Variants in WDR48 observed in about 807,000 individuals in gnomAD.
WDR48 encodes WD repeat-containing protein 48.
Under a neutral mutation model 94.0 loss-of-function variants are expected in WDR48, and 22 were observed. That is an observed-to-expected ratio of 0.23 (90% CI 0.17 to 0.33). WDR48 has a LOEUF of 0.33. Ranked by LOEUF, WDR48 falls within the 10% of genes least tolerant of loss-of-function variation. The pLI, the probability that WDR48 is intolerant of heterozygous loss-of-function variation, is 1.00. For missense variants in WDR48, 541 were observed against 813.8 expected (o/e 0.66, Z 4.08); for synonymous variants, 278 against 280.5 (o/e 0.99, Z 0.09).
chr3:39,083,397 G>A (rs1056712176), intron 11 of WDR48, among the ~76,000 whole-genome samples: 2 of 152,204 alleles, frequency 1.3e-5, no homozygotes, highest in African/African-American at 2.4e-5. Context: ...GAAGAAGCCA[G>A]TAGAGACATT....
At chr3:39,061,623 G>A (rs1262324634) in intron 1 of WDR48, among the ~76,000 whole-genome samples, 3 of 152,168 alleles carry the variant, frequency 2.0e-5, no homozygotes, top group Non-Finnish European at 2.9e-5. Context: ...TCAGTAATGG[G>A]ATGGCCGGGT....
At position 39,069,679 on chromosome 3, in the gene WDR48, C is replaced by G. The variant is rs1443675625; in HGVS notation, c.607C>G (p.Leu203Val). 8.7e-6 allele frequency: 14 copies of G among 1,613,530 alleles called. No individual in the cohort carries two copies. The highest frequency in any genetic ancestry group is 1.2e-5 in the Non-Finnish European group (14 of 1,179,728). The change falls in exon 7 of 19, where the codon CTA (leucine) becomes GTA (valine). Residue 203 changes from leucine (L) to valine (V), a missense_variant. Leu to Val is a conservative substitution (Grantham distance 32). Around this residue, in one of 5 missense-constraint regions of WDR48, gnomAD observed 104 missense variants for 189.7 expected, o/e 0.55. Transcript: ENST00000302313. ...ATGGGATCCAAGAACATGTGCAAAA[C>G]TAATGAAGCTTAAAGGGCACACGGA... Reference protein sequence around the residue: ...RVWDPRTCAKLMKLKGHTDNV... With the variant: ...RVWDPRTCAKVMKLKGHTDNV...
chr3:39,092,770 C>T (rs2035147494), intron 17 of WDR48, among the ~76,000 whole-genome samples: 1 of 151,938 alleles, frequency 6.6e-6, no homozygotes, highest in South Asian at 2.1e-4. Flanking sequence ...TAGAAAGAAG[C>T]TAGTGAGCCC....
At chr3:39,092,384 A>T (rs1021900413) in intron 17 of WDR48, among the ~76,000 whole-genome samples, 4 of 152,226 alleles carry the variant, frequency 2.6e-5, no homozygotes, top group Non-Finnish European at 5.9e-5. Flanking sequence ...GAACTTCAAA[A>T]GATAGATATT....
chr3:39,070,600 A>G (rs1210217886), intron 7 of WDR48, among the ~76,000 whole-genome samples: 1 of 152,190 alleles, frequency 6.6e-6, no homozygotes, highest in Non-Finnish European at 1.5e-5. Flanking sequence ...AGGTTTGGAA[A>G]CTAGTCTAAG....
rs559831281 is a variant in WDR48 at position 39,074,869 on chromosome 3, G to A, written c.816G>A (p.Arg272=). The A allele has an allele frequency of 6.8e-6, 11 of 1,614,182 alleles. No individual in the cohort carries two copies. The South Asian group carries it at 1.1e-4, about 16-fold the overall frequency. Residue 272 remains arginine, a synonymous_variant, in exon 8 of 19, where the codon AGG becomes AGA. Coordinates refer to ENST00000302313, the MANE Select transcript of WDR48 (RefSeq NM_020839.4). ...DAFTHVYSGG[R]DRKIYCTDLR... ...TCACACATGTGTATTCTGGTGGAAGGGACAGGAAGATTTATTGTACAGACC... is the reference window on the plus strand; with the variant it reads ...TCACACATGTGTATTCTGGTGGAAGAGACAGGAAGATTTATTGTACAGACC...
chr3:39,083,747 A>G (rs1034769717), intron 11 of WDR48, among the ~76,000 whole-genome samples: 3 of 152,196 alleles, frequency 2.0e-5, no homozygotes, highest in Admixed American at 2.0e-4. Context: ...TAAATGACAT[A>G]GGCCTCAGAG....
chr3:39,053,217 A>G (rs189403790), intron 1 of WDR48, among the ~76,000 whole-genome samples: 9 of 152,330 alleles, frequency 5.9e-5, no homozygotes, highest in Non-Finnish European at 1.0e-4. Flanking sequence ...AGAAATAATT[A>G]ACACCTAGGC....
At chr3:39,052,097 C>G (rs367687659) in intron 1 of WDR48, 24 bp downstream of exon 1, 16 of 1,612,780 alleles carry the variant, frequency 9.9e-6, no homozygotes, top group Non-Finnish European at 1.4e-5. Flanking sequence ...GTTCCTCGGT[C>G]TTCCGGACGC....
chr3:39,087,830 C>T (rs1329076471), intron 14 of WDR48: 2 of 300,894 alleles, frequency 6.6e-6, no homozygotes, highest in Middle Eastern at 1.1e-3. Flanking sequence ...ACAGGCTGTC[C>T]TAGACTTCCT....
At chr3:39,079,383 C>A (rs1246845474) in intron 10 of WDR48, among the ~76,000 whole-genome samples, 1 of 152,188 alleles carries the variant, frequency 6.6e-6, no homozygotes, top group Non-Finnish European at 1.5e-5. Context: ...CAGAGACTTC[C>A]TGTCATCATT....
chr3:39,071,672 T>C (rs1210421106), intron 7 of WDR48, among the ~76,000 whole-genome samples: 3 of 152,262 alleles, frequency 2.0e-5, no homozygotes, highest in Non-Finnish European at 4.4e-5. Flanking sequence ...AAAAACTGCC[T>C]GTTAGTCTCA....
chr3:39,072,542 A>G (rs2033997503), intron 7 of WDR48, among the ~76,000 whole-genome samples: 1 of 152,194 alleles, frequency 6.6e-6, no homozygotes, highest in South Asian at 2.1e-4. Flanking sequence ...GTCAGCAGCA[A>G]CTTGGCCTCA....
chr3:39,066,473 AC>A, intron 3 of WDR48, 74 bp from the exon 4 acceptor site: 1 of 1,214,270 alleles, frequency 8.2e-7, no homozygotes, highest in South Asian at 1.3e-5. Context: ...AAATAATGTT[AC>A]ATTGTTGTAA....
chr3:39,076,979 G>C (rs2034259457), intron 8 of WDR48, among the ~76,000 whole-genome samples, 160 bp from the exon 9 acceptor site: 1 of 152,178 alleles, frequency 6.6e-6, no homozygotes, highest in African/African-American at 2.4e-5. Flanking sequence ...CAAAGAAAAA[G>C]ACTCTCTCAT....
intron 8 of WDR48, 69 bp downstream of exon 8, chr3:39,075,019 A>T: frequency 6.8e-7 from 1 of 1,462,538 alleles, no homozygotes; most frequent in Admixed American, 1.9e-5. Flanking sequence ...ATAGAGCAAA[A>T]GCTATATTAA....
chr3:39,092,029 AT>A (rs2035097332), intron 17 of WDR48, among the ~76,000 whole-genome samples: 1 of 152,170 alleles, frequency 6.6e-6, no homozygotes, highest in Non-Finnish European at 1.5e-5. Flanking sequence ...AAGTAAAAAA[AT>A]TAGCTGGGCA....
intron 7 of WDR48, among the ~76,000 whole-genome samples, chr3:39,070,875 TC>T (rs1249239409): frequency 1.3e-5 from 2 of 152,160 alleles, no homozygotes; most frequent in African/African-American, 4.8e-5. Flanking sequence ...ATGTTCCCCT[TC>T]CTGTGTCCAT....
At chr3:39,052,380 A>C in intron 1 of WDR48, 2 of 347,766 alleles carry the variant, frequency 5.8e-6, no homozygotes, top group South Asian at 3.0e-5. Context: ...TTCCCCGCCC[A>C]CTTGCCTCCC....
Sources: allele counts gnomAD v4.1 joint callset (sites outside exome capture counted in the v4.1 genomes callset), GRCh38; gene constraint gnomAD v4.1.1; regional missense constraint gnomAD v4.1.1; transcripts MANE v1.5; gene names NCBI Gene and HGNC (gene_info 2026-07-23, HGNC 2026-07-21).